ELAPOR2: variants seen among roughly 807,000 people sequenced by gnomAD.
The protein encoded by ELAPOR2 is endosome-lysosome associated apoptosis and autophagy regulator family member 2, also known as endosome/lysosome-associated apoptosis and autophagy regulator family member 2.
ELAPOR2 carries 89 observed loss-of-function variants against 120.7 expected under a neutral mutation model. The ratio of observed to expected loss-of-function variants is 0.74; its 90% CI spans 0.62 to 0.88. The LOEUF (loss-of-function observed/expected upper bound fraction) is 0.88. Among genes scored for constraint, ELAPOR2 ranks in the 40% least tolerant of loss-of-function variants. ELAPOR2 has a pLI of 0.00. For missense variants in ELAPOR2, 1,134 were observed against 1,251.6 expected (o/e 0.91, Z 1.42); for synonymous variants, 444 against 444.9 (o/e 1.00, Z 0.03).
intron 1 of ELAPOR2, among the ~76,000 whole-genome samples, chr7:86,985,953 C>T (rs2116575721): frequency 1.3e-5 from 2 of 152,016 alleles, no homozygotes; most frequent in Middle Eastern, 6.8e-3. Flanking sequence ...CAGCCAATAT[C>T]ATACTGAATG....
chr7:86,883,794 T>C (rs1307029394), intron 21 of ELAPOR2, among the ~76,000 whole-genome samples: 2 of 152,220 alleles, frequency 1.3e-5, no homozygotes, highest in African/African-American at 4.8e-5. Flanking sequence ...TGAACTAGTG[T>C]TCTATATCTT....
intron 1 of ELAPOR2, among the ~76,000 whole-genome samples, chr7:87,016,183 G>T (rs369366984): frequency 4.6e-5 from 7 of 152,120 alleles, no homozygotes; most frequent in African/African-American, 1.7e-4. Flanking sequence ...AAACTGTTCT[G>T]TATGTTAGTG....
chr7:87,040,204 G>C (rs1163198829), intron 1 of ELAPOR2, among the ~76,000 whole-genome samples: 1 of 152,220 alleles, frequency 6.6e-6, no homozygotes, highest in East Asian at 1.9e-4. Flanking sequence ...AGAGGCGCCC[G>C]CCATTGCCCA....
chr7:86,985,050 T>C (rs188348560), intron 1 of ELAPOR2, among the ~76,000 whole-genome samples: 358 of 152,182 alleles, frequency 2.4e-3, no homozygotes, highest in Non-Finnish European at 3.1e-3. Flanking sequence ...AAGAATATTA[T>C]AAACACCTGT....
chr7:86,928,082 G>A (rs1478793735), intron 8 of ELAPOR2, among the ~76,000 whole-genome samples: 1 of 151,878 alleles, frequency 6.6e-6, no homozygotes, highest in Non-Finnish European at 1.5e-5. Context: ...ATGATTTAAA[G>A]GTAAATGTCT....
chr7:86,946,274 A>G (rs534238748), intron 3 of ELAPOR2, among the ~76,000 whole-genome samples: 1 of 152,300 alleles, frequency 6.6e-6, no homozygotes, highest in South Asian at 2.1e-4. Flanking sequence ...AATAACTAGA[A>G]CTAAAATATA....
chr7:86,993,696 G>A (rs1793030301), intron 1 of ELAPOR2, among the ~76,000 whole-genome samples: 2 of 152,144 alleles, frequency 1.3e-5, no homozygotes, highest in Non-Finnish European at 2.9e-5. Flanking sequence ...AACTGTTAAT[G>A]TCCAAACCAC....
intron 1 of ELAPOR2, among the ~76,000 whole-genome samples, chr7:87,017,753 T>A (rs1029977866): frequency 2.0e-5 from 3 of 151,800 alleles, no homozygotes; most frequent in Non-Finnish European, 4.4e-5. Flanking sequence ...AGACTTCGTC[T>A]CTCCAAAAAA....
intron 1 of ELAPOR2, among the ~76,000 whole-genome samples, chr7:87,052,781 GTTTTGTT>G (rs1427424315): frequency 7.2e-6 from 1 of 138,168 alleles, no homozygotes; most frequent in African/African-American, 2.9e-5. Flanking sequence ...GTTTTCTTTT[GTTTTGTT>G]TTGTTTTGTT....
At chr7:87,047,940 G>C (rs972194918) in intron 1 of ELAPOR2, among the ~76,000 whole-genome samples, 11 of 152,182 alleles carry the variant, frequency 7.2e-5, no homozygotes, top group African/African-American at 2.7e-4. Flanking sequence ...ATCAACAAAT[G>C]AATGGATAAA....
In ELAPOR2 at chr7:87,059,476, C is replaced by A. The variant is rs1474700104; in HGVS notation, c.38G>T (p.Gly13Val). ...GGGAGCCTCCGCCGGCCGCCCCCAG[C>A]CCCTGCCCCGTACCGGCCCCCGGGC... ...FRARGPVRGR[G>V]WGRPAEAPRR... is the part of the protein sequence containing the mutation. The change falls in exon 1 of 22, where the codon GGC (glycine) becomes GTC (valine). Residue 13 changes from glycine (G) to valine (V), a missense_variant. Around this residue, in one of 3 missense-constraint regions of ELAPOR2, gnomAD observed 280 missense variants for 331.5 expected, o/e 0.84. Transcript: ENST00000450689. 2 of 1,215,524 alleles carry A rather than the reference C, an allele frequency of 1.6e-6. No individual in the cohort carries two copies. Among genetic ancestry groups the A allele is most frequent in the Non-Finnish European group, 2.0e-6 (2 of 976,024 alleles). 75.3% of individuals were successfully genotyped at this position (1,215,524 alleles called of 1,614,324 possible).
At chr7:86,950,118 G>A (rs1168195417) in intron 2 of ELAPOR2, among the ~76,000 whole-genome samples, 2 of 152,184 alleles carry the variant, frequency 1.3e-5, no homozygotes, top group Non-Finnish European at 2.9e-5. Flanking sequence ...CCACTCCAGG[G>A]TCCCCTCTCT....
At chr7:87,016,800 C>T (rs978416512) in intron 1 of ELAPOR2, among the ~76,000 whole-genome samples, 2 of 151,762 alleles carry the variant, frequency 1.3e-5, no homozygotes, top group African/African-American at 2.4e-5. Context: ...AAGTTGATAA[C>T]AAGGTGAGTC....
intron 1 of ELAPOR2, among the ~76,000 whole-genome samples, chr7:86,971,872 C>A (rs1792118434): frequency 6.6e-6 from 1 of 152,074 alleles, no homozygotes; most frequent in Admixed American, 6.5e-5. Flanking sequence ...AAAAATCTAT[C>A]TAGAAACAGA....
At chr7:87,006,161 T>A (rs1793462551) in intron 1 of ELAPOR2, among the ~76,000 whole-genome samples, 1 of 151,834 alleles carries the variant, frequency 6.6e-6, no homozygotes, top group South Asian at 2.1e-4. Context: ...CCAGAATGAG[T>A]TTTAGAATTT....
At chr7:86,941,555 A>AG (rs1246999235) in intron 5 of ELAPOR2, among the ~76,000 whole-genome samples, 7 of 152,072 alleles carry the variant, frequency 4.6e-5, no homozygotes, top group Non-Finnish European at 8.8e-5. Flanking sequence ...AACAAGCTTG[A>AG]ATATCACTTG....
At chr7:86,956,335 T>C (rs1043470675) in intron 2 of ELAPOR2, among the ~76,000 whole-genome samples, 1 of 152,292 alleles carries the variant, frequency 6.6e-6, no homozygotes, top group Non-Finnish European at 1.5e-5. Flanking sequence ...AAGAGTACAG[T>C]AATATGAACC....
intron 2 of ELAPOR2, among the ~76,000 whole-genome samples, chr7:86,948,641 T>C (rs1461567361): frequency 6.6e-6 from 1 of 152,004 alleles, no homozygotes; most frequent in Non-Finnish European, 1.5e-5. Flanking sequence ...CTACCACCTA[T>C]ATCTTATTTC....
chr7:86,883,588 G>A (rs1011455651), intron 21 of ELAPOR2, among the ~76,000 whole-genome samples: 4 of 152,130 alleles, frequency 2.6e-5, no homozygotes, highest in African/African-American at 9.7e-5. Context: ...CTGTTAACAC[G>A]AGGCGAATGA....
Sources: gnomAD v4.1 joint callset for allele counts (sites outside exome capture counted in the v4.1 genomes callset) on GRCh38, gnomAD v4.1.1 for gene constraint, gnomAD v4.1.1 regional missense constraint, MANE v1.5 for transcripts, NCBI Gene and HGNC (gene_info 2026-07-23, HGNC 2026-07-21) for gene names.